ANO6: variants seen among roughly 807,000 people sequenced by gnomAD.
ANO6 encodes the protein anoctamin-6.
In ANO6, 106 loss-of-function variants were observed where a neutral mutation model predicts 117.5. The observed-to-expected ratio is 0.90, with a 90% CI of 0.77 to 1.06. The LOEUF (loss-of-function observed/expected upper bound fraction) is 1.06, where lower values mean the gene tolerates loss of function less well. Ranked by LOEUF, ANO6 falls within the 50% of genes least tolerant of loss-of-function variation. The pLI, the probability that ANO6 is intolerant of heterozygous loss-of-function variation, is 0.00. For synonymous variants in ANO6, 367 were observed against 385.1 expected (o/e 0.95, Z 0.55); for missense variants, 955 against 1,121.1 (o/e 0.85, Z 2.12).
At chr12:45,250,690 A>G (rs1443588591) in intron 1 of ANO6, among the ~76,000 whole-genome samples, 1 of 150,798 alleles carries the variant, frequency 6.6e-6, no homozygotes, top group Non-Finnish European at 1.5e-5. Context: ...GGCATGAGCC[A>G]CTGTGCCCAG....
At chr12:45,410,698 T>C (rs144771745) in intron 16 of ANO6, among the ~76,000 whole-genome samples, 1 of 152,358 alleles carries the variant, frequency 6.6e-6, no homozygotes, top group African/African-American at 2.4e-5. Flanking sequence ...TTTGCATTTA[T>C]GCACAGGGCT....
downstream of ANO6, among the ~76,000 whole-genome samples, chr12:45,437,314 G>A (rs75062878): frequency 1.9e-3 from 294 of 152,268 alleles, 2 homozygotes; most frequent in East Asian, 0.027. Flanking sequence ...GCAGGAGCAG[G>A]TATGAGCATC....
chr12:45,234,397 T>A (rs1187994999), intron 1 of ANO6, among the ~76,000 whole-genome samples: 2 of 152,202 alleles, frequency 1.3e-5, no homozygotes, highest in African/African-American at 4.8e-5. Context: ...TCACCTTTTT[T>A]CCTACTGATT....
intron 12 of ANO6, among the ~76,000 whole-genome samples, chr12:45,399,079 C>T (rs946651167): frequency 6.6e-6 from 1 of 152,308 alleles, no homozygotes. Context: ...TCCTTTCATC[C>T]TGTGTCAGCT....
At chr12:45,358,149 T>G (rs772322812) in intron 8 of ANO6, among the ~76,000 whole-genome samples, 9 of 152,228 alleles carry the variant, frequency 5.9e-5, no homozygotes, top group Non-Finnish European at 1.3e-4. Flanking sequence ...CTGGCTGCTA[T>G]CCAGGTGTGC....
intron 3 of ANO6, among the ~76,000 whole-genome samples, chr12:45,341,897 G>T (rs1409416008): frequency 6.6e-6 from 1 of 152,192 alleles, no homozygotes; most frequent in African/African-American, 2.4e-5. Flanking sequence ...AAAAGGCAGA[G>T]AGAAGGTAAT....
chr12:45,269,302 A>T (rs781135983), intron 1 of ANO6, among the ~76,000 whole-genome samples: 1 of 152,178 alleles, frequency 6.6e-6, no homozygotes. Context: ...TTCTAACCAC[A>T]TGGGGGCAGT....
At position 45,429,666 on chromosome 12, in the gene ANO6, G is replaced by T. The variant is rs1465416825; in HGVS notation, c.*355G>T. On this transcript the variant is annotated 3_prime_UTR_variant, in exon 20 of 20. Transcript: ENST00000320560. The stretch of plus-strand genomic sequence containing the variant: ...TTTTCATTTCTGTCTATTCTCAGGC[G>T]CATGATCTCCTTTATTTTTAAGCCA... 5.3e-6 allele frequency: 6 copies of T among 1,127,688 alleles called. No homozygotes were observed. The Admixed American group carries it at 2.4e-4, about 45-fold the overall frequency. The allele number at this position is 1,127,688 out of a possible 1,614,324, so 69.9% of individuals were successfully genotyped here.
chr12:45,429,590 A>T lies in ANO6; in HGVS notation c.*279A>T, dbSNP rs1943587111. On this transcript the variant is annotated 3_prime_UTR_variant, in exon 20 of 20. Transcript: ENST00000320560. ...ACAGAAAAAGTCCCTCAGTGTGCTT[A>T]AAAACCACCCCTTCTAAAGTAGAAT... 8.1e-7 allele frequency: 1 copy of T among 1,240,438 alleles called. No homozygotes were observed. The highest frequency in any genetic ancestry group is 3.4e-4 in the Middle Eastern group (1 of 2,968). 76.8% of individuals were successfully genotyped at this position (1,240,438 alleles called of 1,614,324 possible).
chr12:45,408,492 A>G (rs1391971390), intron 15 of ANO6, among the ~76,000 whole-genome samples: 1 of 152,220 alleles, frequency 6.6e-6, no homozygotes, highest in Non-Finnish European at 1.5e-5. Flanking sequence ...AAAAAGAGAC[A>G]GTGGGTAGCT....
At chr12:45,271,678 A>G (rs2137234729) in intron 1 of ANO6, among the ~76,000 whole-genome samples, 1 of 152,350 alleles carries the variant, frequency 6.6e-6, no homozygotes. Flanking sequence ...TTACCCTTGT[A>G]GCTGTACCAG....
At chr12:45,337,526 T>A (rs1447239661) in intron 3 of ANO6, among the ~76,000 whole-genome samples, 1 of 152,116 alleles carries the variant, frequency 6.6e-6, no homozygotes, top group Non-Finnish European at 1.5e-5. Flanking sequence ...TCCCTGTTGT[T>A]AAGCAATGCA....
At chr12:45,321,857 A>G (rs992653235) in intron 2 of ANO6, among the ~76,000 whole-genome samples, 1 of 152,106 alleles carries the variant, frequency 6.6e-6, no homozygotes, top group Non-Finnish European at 1.5e-5. Flanking sequence ...ATTTCTCCCC[A>G]CAGAATATTA....
chr12:45,365,412 C>T (rs183787049), intron 8 of ANO6, among the ~76,000 whole-genome samples: 20 of 152,308 alleles, frequency 1.3e-4, no homozygotes, highest in African/African-American at 2.4e-4. Flanking sequence ...CCTCTTGTTA[C>T]GGTATCACTG....
At chr12:45,274,281 T>C (rs1938479124) in intron 1 of ANO6, among the ~76,000 whole-genome samples, 1 of 152,210 alleles carries the variant, frequency 6.6e-6, no homozygotes, top group Non-Finnish European at 1.5e-5. Context: ...CGGCTTTACT[T>C]CTTCACTTAG....
chr12:45,301,128 A>C (rs1939470277), intron 1 of ANO6, among the ~76,000 whole-genome samples: 1 of 152,240 alleles, frequency 6.6e-6, no homozygotes, highest in South Asian at 2.1e-4. Flanking sequence ...ACTTAACACA[A>C]AAGAGGTAAA....
At chr12:45,261,737 C>T (rs1410877163) in intron 1 of ANO6, among the ~76,000 whole-genome samples, 7 of 152,188 alleles carry the variant, frequency 4.6e-5, no homozygotes, top group Non-Finnish European at 1.0e-4. Context: ...CCTCTGAGAA[C>T]AACTGTGCAT....
At chr12:45,292,655 T>C in intron 1 of ANO6, 1 of 1,217,872 alleles carries the variant, frequency 8.2e-7, no homozygotes, top group Non-Finnish European at 1.0e-6. Context: ...CATGTTTAAC[T>C]TCTAGATGTA....
intron 19 of ANO6, among the ~76,000 whole-genome samples, chr12:45,428,648 A>G (rs1280721092): frequency 6.6e-6 from 1 of 152,186 alleles, no homozygotes; most frequent in Non-Finnish European, 1.5e-5. Flanking sequence ...GGAAGACTAT[A>G]TTTTGGGGGT....
Sources: gnomAD v4.1 joint callset for allele counts (sites outside exome capture counted in the v4.1 genomes callset) on GRCh38, gnomAD v4.1.1 for gene constraint, MANE v1.5 for transcripts, NCBI Gene and HGNC (gene_info 2026-07-23, HGNC 2026-07-21) for gene names.